The following SPON2 variants were observed in gnomAD, a reference collection of about 807,000 sequenced individuals.
The protein encoded by SPON2 is spondin-2.
A neutral mutation model predicts 29.9 loss-of-function variants in SPON2; 32 were observed. The ratio of observed to expected loss-of-function variants is 1.07; its 90% confidence interval spans 0.81 to 1.44. The LOEUF is 1.44. Ranked by LOEUF, SPON2 falls within the 40% of genes most tolerant of loss-of-function variation. SPON2 has a pLI of 0.00. For synonymous variants in SPON2, 248 were observed against 209.1 expected (o/e 1.19, Z -1.61); for missense variants, 541 against 455.5 (o/e 1.19, Z -1.71).
At chr4:1,200,631 G>A (rs1003519919) in intron 1 of SPON2, 3 of 355,352 alleles carry the variant, frequency 8.4e-6, no homozygotes, top group Admixed American at 3.6e-5. Flanking sequence ...CATCAGCACC[G>A]GCCCCATCTC....
chr4:1,202,163 T>G lies in SPON2; in HGVS notation c.-234+5717A>C, dbSNP rs1305247742. On this transcript the variant is annotated intron_variant, in intron 1 of 3. Coordinates refer to the SPON2 transcript ENST00000509233. This position sits in a 1 kb window ranked among gnomAD's most constrained non-coding sequence, Gnocchi z 5.4. ...CAGACAGCAGTTTATCAACAGAGACTTCCTGCCTCCCCGTCTGGAGGCCAA... is the reference window on the plus strand; with the variant it reads ...CAGACAGCAGTTTATCAACAGAGACGTCCTGCCTCCCCGTCTGGAGGCCAA... Among the ~76,000 whole-genome samples the G allele has an allele frequency of 1.3e-5, 2 of 152,170 alleles. No homozygotes were observed. Among genetic ancestry groups the G allele is most frequent in the African/African-American group, 4.8e-5 (2 of 41,442 alleles).
rs1308559438 is a variant in SPON2 at position 1,171,860 on chromosome 4, G to A, written c.212C>T (p.Ser71Leu). 1.2e-6 allele frequency: 2 copies of A among 1,612,062 alleles called. No individual in the cohort carries two copies. The highest frequency in any genetic ancestry group is 1.7e-6 in the Non-Finnish European group (2 of 1,179,244). ...PLFRPPAQWS[S>L]LLGAAHSSDY... ...GAGGGGGCTGTACTTACCCAGCAGC[G>A]AAGACCACTGCGCAGGGGGGCGGAA... is the stretch of plus-strand genomic sequence containing the variant. The change falls in exon 2 of 6, where the codon TCG (serine) becomes TTG (leucine). Residue 71 changes from serine (S) to leucine (L), a missense_variant. Transcript: ENST00000290902.
chr4:1,184,469 C>T (rs901710509), intron 1 of SPON2, among the ~76,000 whole-genome samples: 1 of 152,138 alleles, frequency 6.6e-6, no homozygotes. Context: ...GCAGAAAAAA[C>T]CACTCTAAAA....
intron 1 of SPON2, among the ~76,000 whole-genome samples, chr4:1,192,192 C>G (rs951400884): frequency 2.6e-5 from 4 of 152,188 alleles, no homozygotes; most frequent in African/African-American, 9.7e-5. Flanking sequence ...TGGGGGTGAC[C>G]TCACCAGATG....
upstream of SPON2, among the ~76,000 whole-genome samples, chr4:1,175,165 G>A (rs768505930): frequency 6.6e-6 from 1 of 152,202 alleles, no homozygotes; most frequent in Non-Finnish European, 1.5e-5. Context: ...CAGCTTCCTC[G>A]GCTGAAAGGA....
Position 1,167,425 on chromosome 4 carries a change from G to A in SPON2, c.*47C>T, listed in dbSNP as rs761684437. On this transcript the variant is annotated 3_prime_UTR_variant, in exon 6 of 6. Coordinates refer to ENST00000290902, the MANE Select transcript of SPON2 (RefSeq NM_012445.4). ...AGCATGAGCCTGCACAGGAGCCCCC[G>A]ACACCCCATGGCTCCGGGGGGCCCC... 7.0e-6 allele frequency: 11 copies of A among 1,570,460 alleles called. No homozygotes were observed. In the South Asian group the frequency reaches 1.3e-4, roughly 18 times the overall value.
At chr4:1,196,431 C>G (rs1404165653), upstream of SPON2, among the ~76,000 whole-genome samples, 2 of 152,220 alleles carry the variant, frequency 1.3e-5, no homozygotes, top group Admixed American at 6.5e-5. Context: ...TGCACGTGAG[C>G]TCTGTGGCCT....
chr4:1,171,761 G>A (rs1291117562), intron 2 of SPON2, 91 bp downstream of exon 2: 3 of 959,704 alleles, frequency 3.1e-6, no homozygotes, highest in Non-Finnish European at 5.0e-6. Context: ...GCACGCCCCA[G>A]ACTGGGAAGC....
intron 1 of SPON2, among the ~76,000 whole-genome samples, chr4:1,194,522 G>T (rs999821066): frequency 1.3e-5 from 2 of 152,166 alleles, no homozygotes; most frequent in African/African-American, 2.4e-5. Flanking sequence ...GGGCTGTGTG[G>T]GACAGGGCGG....
At chr4:1,203,417 T>C (rs1728265133) in intron 1 of SPON2, among the ~76,000 whole-genome samples, 1 of 152,208 alleles carries the variant, frequency 6.6e-6, no homozygotes, top group African/African-American at 2.4e-5. Context: ...TCATCCACTT[T>C]GGAGCATGGG....
upstream of SPON2, chr4:1,197,253 C>T (rs182827326): frequency 3.9e-5 from 6 of 152,230 alleles, no homozygotes; most frequent in East Asian, 5.8e-4. Context: ...TTCCGACTTC[C>T]GATAAGTCCA....
At chr4:1,170,643 T>C in intron 4 of SPON2, 67 bp from the exon 5 acceptor site, 2 of 1,507,188 alleles carry the variant, frequency 1.3e-6, no homozygotes, top group Non-Finnish European at 1.8e-6. Context: ...GCGTATGGCC[T>C]CACTGGGGCC....
At chr4:1,178,629 C>A (rs1273382187) in intron 2 of SPON2, among the ~76,000 whole-genome samples, 2 of 150,394 alleles carry the variant, frequency 1.3e-5, no homozygotes, top group African/African-American at 4.9e-5. Flanking sequence ...GGGAGAACAG[C>A]TGCAGGCCCC....
Position 1,167,631 on chromosome 4 carries a change from C to A in SPON2, c.837G>T (p.Glu279Asp). The change falls in exon 6 of 6, where the codon GAG becomes GAT. Residue 279 changes from glutamate to aspartate, a missense_variant. Transcript: ENST00000290902. ...GTCCCCAGGACGACCACAGGGAGAC[C>A]TCGCAGTCCAGCGGCGTTTCTGGAA... ...ASVPETPLDC[E>D]VSLWSSWGLC... 1.2e-6 allele frequency: 2 copies of A among 1,610,438 alleles called. No individual in the cohort carries two copies. The highest frequency in any genetic ancestry group is 1.7e-6 in the Non-Finnish European group (2 of 1,178,226).
chr4:1,195,924 C>T (rs534661742), upstream of SPON2, among the ~76,000 whole-genome samples: 9 of 152,328 alleles, frequency 5.9e-5, no homozygotes, highest in East Asian at 1.9e-4. Flanking sequence ...GTGAGCCCCA[C>T]GCCTGGCCAC....
At chr4:1,170,133 CAG>C (rs1326443208) in intron 5 of SPON2, 2 of 415,512 alleles carry the variant, frequency 4.8e-6, no homozygotes, top group South Asian at 2.8e-5. Flanking sequence ...TCTGACAGGA[CAG>C]AGTCTCTCAG....
intron 5 of SPON2, 55 bp downstream of exon 5, chr4:1,170,347 C>T (rs995007006): frequency 1.9e-6 from 3 of 1,558,728 alleles, no homozygotes; most frequent in African/African-American, 2.8e-5. Flanking sequence ...TGGTGGTCGC[C>T]CTGTGGCAGG....
intron 1 of SPON2, among the ~76,000 whole-genome samples, chr4:1,193,850 G>A (rs1173832836): frequency 2.0e-5 from 2 of 101,102 alleles, no homozygotes; most frequent in Admixed American, 9.6e-5. Flanking sequence ...GGGGGGCAGC[G>A]TGGGAAGGAC....
intron 1 of SPON2, among the ~76,000 whole-genome samples, chr4:1,206,666 C>T (rs974249808): frequency 9.2e-5 from 14 of 152,080 alleles, no homozygotes; most frequent in Non-Finnish European, 1.6e-4. Flanking sequence ...GCTCTGCAGG[C>T]GGAGAGGGGA....
Sources: gnomAD v4.1 joint callset for allele counts (sites outside exome capture counted in the v4.1 genomes callset) on GRCh38, gnomAD v4.1.1 for gene constraint, Gnocchi (gnomAD v3.1) non-coding constraint, MANE v1.5 for transcripts, NCBI Gene and HGNC (gene_info 2026-07-23, HGNC 2026-07-21) for gene names.